Variants in ADGRL3 observed in about 807,000 individuals in gnomAD.
ADGRL3 encodes the protein calcium-independent alpha-latrotoxin receptor 3.
Under a neutral mutation model 153.5 loss-of-function variants are expected in ADGRL3, and 62 were observed. The observed-to-expected ratio is 0.40, with a 90% CI of 0.33 to 0.50. The LOEUF (loss-of-function observed/expected upper bound fraction) is 0.50. Among genes scored for constraint, ADGRL3 ranks in the 20% least tolerant of loss-of-function variants. The pLI, the probability that ADGRL3 is intolerant of heterozygous loss-of-function variation, is 0.47. For missense variants in ADGRL3, 1,641 were observed against 1,859.4 expected (o/e 0.88, Z 2.16); for synonymous variants, 710 against 672.5 (o/e 1.06, Z -0.86).
chr4:61,363,108 C>G (rs1160147304), intron 1 of ADGRL3, among the ~76,000 whole-genome samples: 2 of 152,098 alleles, frequency 1.3e-5, no homozygotes, highest in Admixed American at 1.3e-4. Context: ...TCTTTTAGAA[C>G]TTTACATTGA....
intron 11 of ADGRL3, among the ~76,000 whole-genome samples, chr4:61,908,502 C>G (rs951540010): frequency 6.6e-6 from 1 of 150,946 alleles, no homozygotes; most frequent in Non-Finnish European, 1.5e-5. Context: ...GAGGCTGGGA[C>G]AGGAGGCAGC....
At chr4:61,819,111 G>GA (rs1188518852) in intron 9 of ADGRL3, among the ~76,000 whole-genome samples, 2 of 151,948 alleles carry the variant, frequency 1.3e-5, no homozygotes, top group Admixed American at 6.6e-5. Flanking sequence ...CACTATTGTT[G>GA]ATATGTATAT....
chr4:61,230,466 G>T lies in ADGRL3; in HGVS notation c.-240+28701G>T, dbSNP rs761620596. On this transcript the variant is annotated intron_variant, in intron 1 of 26. Transcript: ENST00000683033. ...TATTAAGAAATTGTAAGGAGAGAAG[G>T]ATTCTTCCCAATTTATTTAAATCTT... is the stretch of plus-strand genomic sequence containing the variant. Among the ~76,000 whole-genome samples, 21 of 152,238 alleles carry T rather than the reference G, an allele frequency of 1.4e-4. No individual in the cohort carries two copies. The South Asian group carries it at 2.1e-3, about 15-fold the overall frequency.
chr4:61,402,211 T>G (rs2096937390), intron 2 of ADGRL3, among the ~76,000 whole-genome samples: 1 of 152,134 alleles, frequency 6.6e-6, no homozygotes. Flanking sequence ...GGCTGTAGTT[T>G]GCTAAAGCCT....
intron 8 of ADGRL3, among the ~76,000 whole-genome samples, chr4:61,798,598 G>GTTTATTTATTTATTTA (rs10548703): frequency 6.6e-6 from 1 of 150,396 alleles, no homozygotes; most frequent in Non-Finnish European, 1.5e-5. Flanking sequence ...TTATTTGTTT[G>GTTTATTTATTTATTTA]TTTATTTATT....
intron 4 of ADGRL3, among the ~76,000 whole-genome samples, chr4:61,565,444 A>G (rs1203638141): frequency 6.6e-6 from 1 of 152,192 alleles, no homozygotes; most frequent in Non-Finnish European, 1.5e-5. Flanking sequence ...TGTATAACTG[A>G]CAAAAATTGG....
rs1747256994 is a variant in ADGRL3, at chr4:62,076,695, G to A, written c.*5787G>A. On this transcript the variant is annotated 3_prime_UTR_variant, in exon 27 of 27. Transcript: ENST00000683033. ...CATTAAATACTTTAAACACTCTTGA[G>A]ATATTTCGTATCTAGCTATACCTTG... 1 of 151,882 alleles carries A rather than the reference G, an allele frequency of 6.6e-6. No individual in the cohort carries two copies. Among genetic ancestry groups the A allele is most frequent in the Admixed American group, 6.6e-5 (1 of 15,216 alleles). The allele number at this position is 151,882 out of a possible 1,614,324, so 9.4% of individuals were successfully genotyped here. A position where few individuals can be genotyped will look rare whatever the true frequency, so the allele number is the denominator to read the frequency against.
intron 4 of ADGRL3, among the ~76,000 whole-genome samples, chr4:61,536,220 T>G (rs1458750393): frequency 6.6e-6 from 1 of 152,128 alleles, no homozygotes; most frequent in Non-Finnish European, 1.5e-5. Flanking sequence ...TGGTTTCTAA[T>G]GTTATTCCGC....
At chr4:61,922,951 T>C (rs1304075164) in intron 13 of ADGRL3, among the ~76,000 whole-genome samples, 1 of 152,212 alleles carries the variant, frequency 6.6e-6, no homozygotes, top group Admixed American at 6.5e-5. Context: ...AAATATGACC[T>C]TTTGATTACT....
chr4:61,237,644 A>G (rs1753339079), intron 1 of ADGRL3, among the ~76,000 whole-genome samples: 1 of 152,226 alleles, frequency 6.6e-6, no homozygotes, highest in Non-Finnish European at 1.5e-5. Context: ...GCAAAAAATT[A>G]GCTGTAAAAC....
chr4:61,268,052 T>C (rs2092954833), intron 1 of ADGRL3, among the ~76,000 whole-genome samples: 2 of 151,684 alleles, frequency 1.3e-5, no homozygotes, highest in South Asian at 4.1e-4. Context: ...TTGGCCAACG[T>C]GCCATTTTTA....
chr4:61,427,796 C>T (rs1204906686), intron 2 of ADGRL3: 3 of 152,672 alleles, frequency 2.0e-5, no homozygotes, highest in African/African-American at 7.2e-5. Flanking sequence ...CTCTGCTTGA[C>T]CCTGGAGGTC....
intron 6 of ADGRL3, among the ~76,000 whole-genome samples, chr4:61,682,845 C>T (rs1000053835): frequency 3.3e-5 from 5 of 152,036 alleles, no homozygotes; most frequent in African/African-American, 4.8e-5. Context: ...TTTCATTCAC[C>T]ATCTATTGAG....
intron 11 of ADGRL3, among the ~76,000 whole-genome samples, chr4:61,902,274 G>A (rs983300027): frequency 3.7e-4 from 57 of 152,168 alleles, no homozygotes; most frequent in African/African-American, 1.4e-3. Context: ...ATGGCTTTTG[G>A]TGACTCCCTT....
At chr4:61,870,890 C>T (rs889572274) in intron 9 of ADGRL3, among the ~76,000 whole-genome samples, 1 of 152,112 alleles carries the variant, frequency 6.6e-6, no homozygotes, top group Non-Finnish European at 1.5e-5. Context: ...CTGATAGTTC[C>T]TCAAGTGGTT....
chr4:61,775,402 T>G (rs201416392), intron 8 of ADGRL3: 10 of 453,904 alleles, frequency 2.2e-5, no homozygotes, highest in African/African-American at 1.9e-4. Flanking sequence ...TTTTCTTTCT[T>G]TGTGTGTGTG....
Position 61,456,831 on chromosome 4 carries a change from T to A in ADGRL3, c.-173-40290T>A, listed in dbSNP as rs193031301. Among the ~76,000 whole-genome samples, 824 of 152,094 alleles carry A rather than the reference T, an allele frequency of 5.4e-3. 6 individuals are homozygous for A. Among genetic ancestry groups the A allele is most frequent in the Non-Finnish European group, 6.6e-3 (448 of 67,946 alleles). ...AAATGTATTATGATATGGTGAAAAT[T>A]AGAGAATTGTATACATCAATTTTTA... On this transcript the variant is annotated intron_variant, in intron 2 of 26. Coordinates refer to ENST00000683033, the MANE Select transcript of ADGRL3 (RefSeq NM_001387552.1).
chr4:61,490,922 G>A (rs1417854955), intron 2 of ADGRL3, among the ~76,000 whole-genome samples: 1 of 152,068 alleles, frequency 6.6e-6, no homozygotes, highest in East Asian at 1.9e-4. Context: ...CATATGTGTA[G>A]GTTTCAGACA....
At chr4:61,262,670 G>A (rs188970492) in intron 1 of ADGRL3, among the ~76,000 whole-genome samples, 18 of 152,032 alleles carry the variant, frequency 1.2e-4, no homozygotes, top group African/African-American at 3.6e-4. Flanking sequence ...TGTTAAGAGC[G>A]TTTATCTTAA....
Sources: gnomAD v4.1 joint callset for allele counts (sites outside exome capture counted in the v4.1 genomes callset) on GRCh38, gnomAD v4.1.1 for gene constraint, MANE v1.5 for transcripts, NCBI Gene and HGNC (gene_info 2026-07-23, HGNC 2026-07-21) for gene names.